Variants in SHROOM3 observed in about 807,000 individuals in gnomAD.
The protein encoded by SHROOM3 is protein Shroom3.
Under a neutral mutation model 138.6 loss-of-function variants are expected in SHROOM3, and 47 were observed. That is an observed-to-expected ratio of 0.34 (90% CI 0.27 to 0.43). The LOEUF is 0.43. Ranked by LOEUF, SHROOM3 falls within the 20% of genes least tolerant of loss-of-function variation. The probability of loss-of-function intolerance (pLI) is 1.00; values close to 1 mark genes in which losing one functional copy is unlikely to be tolerated. For missense variants in SHROOM3, 2,491 were observed against 2,596.5 expected (o/e 0.96, Z 0.88); for synonymous variants, 1,062 against 1,063.3 (o/e 1.00, Z 0.02).
At chr4:76,754,163 G>T (rs529214297) in intron 6 of SHROOM3, 148 bp from the exon 7 acceptor site, 1 of 1,009,634 alleles carries the variant, frequency 9.9e-7, no homozygotes, top group Middle Eastern at 2.1e-4. Context: ...CCTGTGAGCA[G>T]CCAGGGAAGA....
intron 6 of SHROOM3, 85 bp from the exon 7 acceptor site, chr4:76,754,226 T>C: frequency 6.4e-7 from 1 of 1,559,008 alleles, no homozygotes; most frequent in Non-Finnish European, 8.8e-7. Context: ...TCTTAAATGC[T>C]TTTCTCATCT....
intron 2 of SHROOM3, among the ~76,000 whole-genome samples, chr4:76,705,130 G>T (rs1423256426): frequency 6.6e-6 from 1 of 151,870 alleles, no homozygotes; most frequent in Non-Finnish European, 1.5e-5. Context: ...CCTTTCTTTT[G>T]TATTGGCTGA....
At chr4:76,736,502 T>A (rs1387051404) in intron 4 of SHROOM3, among the ~76,000 whole-genome samples, 3 of 152,196 alleles carry the variant, frequency 2.0e-5, no homozygotes, top group Non-Finnish European at 2.9e-5. Flanking sequence ...CAACATATTA[T>A]CTGGAGATAT....
At chr4:76,587,260 A>G (rs891213097) in intron 2 of SHROOM3, 1 of 152,162 alleles carries the variant, frequency 6.6e-6, no homozygotes, top group African/African-American at 2.4e-5. Flanking sequence ...GAAGATTGAT[A>G]AAAAAGACTG....
chr4:76,718,588 A>G (rs1720448699), intron 3 of SHROOM3, among the ~76,000 whole-genome samples: 1 of 152,196 alleles, frequency 6.6e-6, no homozygotes, highest in Non-Finnish European at 1.5e-5. Context: ...TATTGCCTCT[A>G]ATTTCTTACT....
chr4:76,483,687 C>T (rs567283472), intron 1 of SHROOM3, among the ~76,000 whole-genome samples: 27 of 152,178 alleles, frequency 1.8e-4, no homozygotes, highest in Non-Finnish European at 2.5e-4. Context: ...TAAAGACACA[C>T]GCACACGTAT....
Position 76,583,306 on chromosome 4 carries a change from G to A in SHROOM3, c.323+27543G>A, listed in dbSNP as rs10018677. On this transcript the variant is annotated intron_variant, in intron 2 of 10. Coordinates refer to ENST00000296043, the MANE Select transcript of SHROOM3 (RefSeq NM_020859.4). Reference sequence around the variant, plus strand: ...GAGCTCACCATTCTTCTGTCCATGAGTGGCCACCCAACCACCCAAGGGTGA... The same window carrying A: ...GAGCTCACCATTCTTCTGTCCATGAATGGCCACCCAACCACCCAAGGGTGA... Among the ~76,000 whole-genome samples, 468 of 152,284 alleles carry A rather than the reference G, an allele frequency of 3.1e-3. 3 individuals are homozygous for A. The highest frequency in any genetic ancestry group is 0.01 in the African/African-American group (431 of 41,560).
intron 3 of SHROOM3, among the ~76,000 whole-genome samples, chr4:76,717,531 T>A (rs1720410245): frequency 6.6e-6 from 1 of 152,188 alleles, no homozygotes. Context: ...GTTCTGGAAT[T>A]TTCTGTCTTT....
intron 2 of SHROOM3, among the ~76,000 whole-genome samples, chr4:76,563,175 A>G (rs1309460089): frequency 3.9e-5 from 6 of 152,186 alleles, no homozygotes; most frequent in Non-Finnish European, 7.3e-5. Context: ...TAAAATATTA[A>G]TCTTTATTTC....
chr4:76,639,205 AC>A (rs1279335494), intron 2 of SHROOM3, among the ~76,000 whole-genome samples: 6 of 152,206 alleles, frequency 3.9e-5, no homozygotes, highest in African/African-American at 1.4e-4. Flanking sequence ...ACAGCCACTT[AC>A]TGAGTACCTA....
At chr4:76,748,932 T>A (rs1024221495) in intron 5 of SHROOM3, 85 bp from the exon 6 acceptor site, 103 of 1,325,952 alleles carry the variant, frequency 7.8e-5, no homozygotes, top group Non-Finnish European at 9.4e-5. Context: ...AAATAGGTGT[T>A]CCTTCTCCTT....
intron 2 of SHROOM3, among the ~76,000 whole-genome samples, chr4:76,582,628 T>C (rs1734074562): frequency 6.6e-6 from 1 of 152,216 alleles, no homozygotes; most frequent in Non-Finnish European, 1.5e-5. Flanking sequence ...CAGGATGTGC[T>C]TGAGTAGATG....
intron 2 of SHROOM3, among the ~76,000 whole-genome samples, chr4:76,565,160 C>CAAAAAAAAAAAAAAAA (rs1166896258): frequency 2.9e-5 from 4 of 135,938 alleles, no homozygotes; most frequent in African/African-American, 1.1e-4. Flanking sequence ...GACTCCATTT[C>CAAAAAAAAAAAAAAAA]AAAAAAAAAA....
Position 76,770,736 on chromosome 4 carries a change from T to A in SHROOM3, c.5460T>A (p.Ala1820=). The A allele has an allele frequency of 6.2e-7, 1 of 1,614,128 alleles. No individual in the cohort carries two copies. Among genetic ancestry groups the A allele is most frequent in the East Asian group, 2.2e-5 (1 of 44,868 alleles). ...LNNALGEEVE[A]LISELCKPNE... The stretch of plus-strand genomic sequence containing the variant: ...ACGCCCTGGGAGAAGAGGTGGAGGC[T>A]CTGATCAGCGAGCTCTGCAAGCCCA... The change falls in exon 10 of 11, where the codon GCT becomes GCA. Residue 1820 remains alanine, a synonymous_variant. Coordinates refer to ENST00000296043, the MANE Select transcript of SHROOM3 (RefSeq NM_020859.4).
chr4:76,681,309 C>T (rs1719183816), intron 2 of SHROOM3, among the ~76,000 whole-genome samples: 1 of 152,186 alleles, frequency 6.6e-6, no homozygotes, highest in South Asian at 2.1e-4. Context: ...CTGTTTGCTA[C>T]CAACACATAG....
chr4:76,749,840 G>C (rs1367436015), intron 6 of SHROOM3, among the ~76,000 whole-genome samples: 2 of 152,042 alleles, frequency 1.3e-5, no homozygotes, highest in Admixed American at 1.3e-4. Context: ...TTCAGAAAGG[G>C]TATTCTCTGA....
intron 2 of SHROOM3, among the ~76,000 whole-genome samples, chr4:76,623,711 T>C (rs1735056952): frequency 6.6e-6 from 1 of 152,266 alleles, no homozygotes; most frequent in South Asian, 2.1e-4. Context: ...TCAAGATTAT[T>C]ATGCCTCTAA....
At chr4:76,763,762 A>C (rs1293487309) in intron 9 of SHROOM3, among the ~76,000 whole-genome samples, 1 of 152,210 alleles carries the variant, frequency 6.6e-6, no homozygotes, top group Non-Finnish European at 1.5e-5. Flanking sequence ...ATGAACTACA[A>C]GTTTATAAAT....
chr4:76,693,456 T>C (rs960933287), intron 2 of SHROOM3, among the ~76,000 whole-genome samples: 1 of 141,738 alleles, frequency 7.1e-6, no homozygotes, highest in Non-Finnish European at 1.5e-5. Flanking sequence ...CAATCTTGGC[T>C]CACTGCAGCC....
Sources: gnomAD v4.1 joint callset for allele counts (sites outside exome capture counted in the v4.1 genomes callset) on GRCh38, gnomAD v4.1.1 for gene constraint, MANE v1.5 for transcripts, NCBI Gene and HGNC (gene_info 2026-07-23, HGNC 2026-07-21) for gene names.